INTS10: variants seen among roughly 807,000 people sequenced by gnomAD.
INTS10 encodes the protein integrator complex subunit 10.
In INTS10, 44 loss-of-function variants were observed where a neutral mutation model predicts 94.4. The ratio of observed to expected loss-of-function variants is 0.47; its 90% CI spans 0.37 to 0.60. The LOEUF is 0.60. Among genes scored for constraint, INTS10 ranks in the 20% least tolerant of loss-of-function variants. The probability of loss-of-function intolerance (pLI) is 0.00; values close to 1 mark genes in which losing one functional copy is unlikely to be tolerated. For synonymous variants in INTS10, 341 were observed against 320.7 expected, an observed-to-expected ratio of 1.06 and a Z score of -0.68; for missense variants, 797 against 868.7, an observed-to-expected ratio of 0.92 and a Z score of 1.04.
In INTS10 at chr8:19,817,611, C is replaced by T; in HGVS notation, c.74C>T (p.Ala25Val). ...TTGGTGCCGCAAGACCTGTGGGCAG[C>T]CAAGGCGTGGCTGATCACGGCCCGC... is the stretch of plus-strand genomic sequence containing the variant. ...RELVPQDLWA[A>V]KAWLITARSL... The change falls in exon 1 of 17, where the codon GCC becomes GTC. Residue 25 changes from alanine to valine, a missense_variant. By Grantham distance (64) the Ala-to-Val change is moderately conservative. Coordinates refer to ENST00000397977, the MANE Select transcript of INTS10 (RefSeq NM_018142.4). The T allele has an allele frequency of 1.2e-6, 2 of 1,608,598 alleles. No homozygotes were observed. Among genetic ancestry groups the T allele is most frequent in the Non-Finnish European group, 1.7e-6 (2 of 1,178,120 alleles).
rs548054419 is a variant in INTS10, at chr8:19,846,930, G to T, written c.1976+1133G>T. Among the ~76,000 whole-genome samples, 1 of 152,332 alleles carries T rather than the reference G, an allele frequency of 6.6e-6. No individual in the cohort carries two copies. The highest frequency in any genetic ancestry group is 1.9e-4 in the East Asian group (1 of 5,186). ...AGACTGAATCCTGAATGAGAAGAAA[G>T]TACTGCTAAAACTAAAAACATTTTT... is the stretch of plus-strand genomic sequence containing the variant. On this transcript the variant is annotated intron_variant, in intron 16 of 16. Coordinates refer to ENST00000397977, the MANE Select transcript of INTS10 (RefSeq NM_018142.4). This position sits in a 1 kb window ranked among gnomAD's most constrained non-coding sequence, Gnocchi z 4.2.
rs1163348583 is a variant in INTS10, at chr8:19,843,919, C to G, written c.1720-157C>G. 1.3e-5 allele frequency among the ~76,000 whole-genome samples: 2 copies of G among 152,228 alleles called. No homozygotes were observed. The highest frequency in any genetic ancestry group is 2.9e-5 in the Non-Finnish European group (2 of 68,036). On this transcript the variant is annotated intron_variant, in intron 14 of 16. Coordinates refer to ENST00000397977, the MANE Select transcript of INTS10 (RefSeq NM_018142.4). The surrounding 1 kb of genome is among the most constrained non-coding windows in gnomAD (Gnocchi z 4.7). ...CCTTAGAAGGCAGCTGTGATGTTTA[C>G]CAGCCATTTCGTTGTGCCTTTGTTT...
Position 19,851,594 on chromosome 8 carries a change from A to G in INTS10, c.1977-55A>G. The G allele has an allele frequency of 1.9e-6, 3 of 1,545,954 alleles. No individual in the cohort carries two copies. In the South Asian group the frequency reaches 3.4e-5, roughly 17 times the overall value. ...TATTCCTACCCAAGTAGCAGCGATC[A>G]GCGATGCTGGTGCTAACCCCTGGTC... On this transcript the variant is annotated intron_variant, in intron 16 of 16. Coordinates refer to ENST00000397977, the MANE Select transcript of INTS10 (RefSeq NM_018142.4). This position sits in a 1 kb window ranked among gnomAD's most constrained non-coding sequence, Gnocchi z 5.0.
rs191134971 is a variant in INTS10 at position 19,819,459 on chromosome 8, G to A, written c.198-114G>A. 3.2e-3 allele frequency: 2,161 copies of A among 667,180 alleles called. 88 individuals carry two copies. The Admixed American group carries it at 0.061, about 19-fold the overall frequency. 41.3% of individuals were successfully genotyped at this position (667,180 alleles called of 1,614,324 possible). A position where few individuals can be genotyped will look rare whatever the true frequency, so the allele number is the denominator to read the frequency against. On this transcript the variant is annotated intron_variant, in intron 2 of 16. Transcript: ENST00000397977. Reference sequence around the variant, plus strand: ...TTTTTATTTTGGTTTGTTTTGGCACGTCTAAGCATTCACTTGGAATAAAGG... The same window carrying A: ...TTTTTATTTTGGTTTGTTTTGGCACATCTAAGCATTCACTTGGAATAAAGG...
chr8:19,826,051 G>T (rs1361837699), intron 8 of INTS10, among the ~76,000 whole-genome samples: 1 of 151,854 alleles, frequency 6.6e-6, no homozygotes, highest in African/African-American at 2.4e-5. Flanking sequence ...CTTATTTTAA[G>T]AATTCTTTTC....
intron 9 of INTS10, among the ~76,000 whole-genome samples, chr8:19,827,890 T>G (rs1358214342): frequency 1.3e-5 from 2 of 152,196 alleles, no homozygotes; most frequent in African/African-American, 4.8e-5. Flanking sequence ...CACAGTGTTT[T>G]GTTTGTTTAA....
At chr8:19,820,540 T>C (rs1184068010) in intron 4 of INTS10, 22 bp downstream of exon 4, 2 of 1,595,854 alleles carry the variant, frequency 1.3e-6, no homozygotes, top group Non-Finnish European at 1.7e-6. Context: ...TTCTTCCCCT[T>C]CTTTTAATAT....
chr8:19,819,761 G>A, intron 3 of INTS10, 85 bp downstream of exon 3: 1 of 961,080 alleles, frequency 1.0e-6, no homozygotes, highest in Non-Finnish European at 1.6e-6. Flanking sequence ...CACACCTGGG[G>A]TATTGGTAAC....
At chr8:19,839,449 C>G (rs1486422166) in intron 13 of INTS10, among the ~76,000 whole-genome samples, 1 of 152,126 alleles carries the variant, frequency 6.6e-6, no homozygotes, top group Admixed American at 6.5e-5. Context: ...CCTGTAATCC[C>G]CGCACTTTGA....
At chr8:19,830,351 A>G (rs73206572) in intron 9 of INTS10, 55 bp from the exon 10 acceptor site, 17,014 of 1,504,570 alleles carry the variant, frequency 0.011, 136 homozygotes, top group Middle Eastern at 0.012. Context: ...ATATGTTTCC[A>G]TATATGACTA....
At position 19,832,251 on chromosome 8, in the gene INTS10, T is replaced by C. The variant is rs544497893; in HGVS notation, c.1377+141T>C. 1.6e-5 allele frequency: 10 copies of C among 615,802 alleles called. No homozygotes were observed. In the African/African-American group the frequency reaches 1.6e-4, roughly 10 times the overall value. The allele number at this position is 615,802 out of a possible 1,614,324, so 38.1% of individuals were successfully genotyped here. Reference sequence around the variant, plus strand: ...TGACACCTGTTCTGTTTTCAGTGGCTGAGGGGGTATGGTCCATTTTCCTTT... The same window carrying C: ...TGACACCTGTTCTGTTTTCAGTGGCCGAGGGGGTATGGTCCATTTTCCTTT... On this transcript the variant is annotated intron_variant, in intron 11 of 16. Transcript: ENST00000397977.
In INTS10 at chr8:19,819,623, T is replaced by C. The variant is rs2128751017; in HGVS notation, c.248T>C (p.Ile83Thr). The C allele has an allele frequency of 6.2e-7, 1 of 1,613,650 alleles. No individual in the cohort carries two copies. Among genetic ancestry groups the C allele is most frequent in the East Asian group, 2.2e-5 (1 of 44,840 alleles). The change falls in exon 3 of 17, where the codon ATT becomes ACT. Residue 83 changes from isoleucine (I) to threonine (T), a missense_variant. Ile to Thr is a moderately conservative substitution (Grantham distance 89, BLOSUM62 -1). This residue lies in a region of INTS10 where 734 missense variants were observed against 787.8 expected (regional missense o/e 0.93). Coordinates refer to ENST00000397977, the MANE Select transcript of INTS10 (RefSeq NM_018142.4). Reference sequence around the variant, plus strand: ...GTGGTGTGGAGAGAAATCAGCATTATTACATCAGCATTAAGGAACGATTCA... The same window carrying C: ...GTGGTGTGGAGAGAAATCAGCATTACTACATCAGCATTAAGGAACGATTCA... ...QPVVWREISI[I>T]TSALRNDSQD...
At position 19,851,584 on chromosome 8, in the gene INTS10, A is replaced by G. The variant is rs750744247; in HGVS notation, c.1977-65A>G. The G allele has an allele frequency of 2.6e-4, 376 of 1,463,030 alleles. No homozygotes were observed. The highest frequency in any genetic ancestry group is 3.5e-4 in the Non-Finnish European group (363 of 1,046,456). The allele number at this position is 1,463,030 out of a possible 1,614,324, so 90.6% of individuals were successfully genotyped here. A position where few individuals can be genotyped will look rare whatever the true frequency, so the allele number is the denominator to read the frequency against. On this transcript the variant is annotated intron_variant, in intron 16 of 16. Transcript: ENST00000397977. The surrounding 1 kb of genome is among the most constrained non-coding windows in gnomAD (Gnocchi z 5.0). ...GGGCAGGCTTTATTCCTACCCAAGT[A>G]GCAGCGATCAGCGATGCTGGTGCTA...
intron 8 of INTS10, among the ~76,000 whole-genome samples, chr8:19,825,901 G>T (rs1315132047): frequency 6.6e-6 from 1 of 152,074 alleles, no homozygotes; most frequent in African/African-American, 2.4e-5. Flanking sequence ...TTCTATTAGT[G>T]ACAGGGAATC....
At chr8:19,834,508 T>A (rs1377742968) in intron 12 of INTS10, among the ~76,000 whole-genome samples, 2 of 152,210 alleles carry the variant, frequency 1.3e-5, no homozygotes, top group African/African-American at 4.8e-5. Context: ...CCGACATACA[T>A]ATCTCAAGTA....
intron 5 of INTS10, 112 bp downstream of exon 5, chr8:19,822,632 G>T: frequency 3.2e-6 from 2 of 626,920 alleles, no homozygotes; most frequent in Admixed American, 3.1e-5. Flanking sequence ...ATGTGTTATG[G>T]CATTTAAGTT....
chr8:19,824,550 G>C (rs965417893), intron 7 of INTS10: 1 of 375,996 alleles, frequency 2.7e-6, no homozygotes, highest in African/African-American at 2.1e-5. Flanking sequence ...CTCTTAAGAC[G>C]ATGTTGTGTT....
chr8:19,840,125 A>T, intron 13 of INTS10, among the ~76,000 whole-genome samples: 1 of 151,812 alleles, frequency 6.6e-6, no homozygotes, highest in African/African-American at 2.4e-5. Context: ...AAATCAATTC[A>T]ATTTGTATGC....
chr8:19,849,585 T>G lies in INTS10; in HGVS notation c.1977-2064T>G, dbSNP rs1352371921. On this transcript the variant is annotated intron_variant, in intron 16 of 16. Transcript: ENST00000397977. The surrounding 1 kb of genome is among the most constrained non-coding windows in gnomAD (Gnocchi z 4.6). ...TTCGGTCATATATATTTAAGGATGCTGACGTTTATTTTAAGTACATTTTTA... is the reference window on the plus strand; with the variant it reads ...TTCGGTCATATATATTTAAGGATGCGGACGTTTATTTTAAGTACATTTTTA... Among the ~76,000 whole-genome samples the G allele has an allele frequency of 1.3e-5, 2 of 152,206 alleles. No homozygotes were observed. Among genetic ancestry groups the G allele is most frequent in the East Asian group, 1.9e-4 (1 of 5,188 alleles).
Sources: gnomAD v4.1 joint callset for allele counts (sites outside exome capture counted in the v4.1 genomes callset) on GRCh38, gnomAD v4.1.1 for gene constraint, gnomAD v4.1.1 regional missense constraint, Gnocchi (gnomAD v3.1) non-coding constraint, MANE v1.5 for transcripts, NCBI Gene and HGNC (gene_info 2026-07-23, HGNC 2026-07-21) for gene names.